SLC25A36: variants seen among roughly 807,000 people sequenced by gnomAD.
The protein encoded by SLC25A36 is epididymis secretory sperm binding protein.
SLC25A36 carries 24 observed loss-of-function variants against 35.3 expected under a neutral mutation model. That is an observed-to-expected ratio of 0.68 (90% CI 0.49 to 0.96). The LOEUF (loss-of-function observed/expected upper bound fraction) is 0.96. Ranked by LOEUF, SLC25A36 falls within the 40% of genes least tolerant of loss-of-function variation. The pLI is 0.00. For missense variants in SLC25A36, 294 were observed against 381.1 expected (o/e 0.77, Z 1.90); for synonymous variants, 141 against 132.2 (o/e 1.07, Z -0.46).
intron 1 of SLC25A36, among the ~76,000 whole-genome samples, chr3:140,943,979 A>G (rs1934096089): frequency 7.5e-6 from 1 of 133,630 alleles, no homozygotes; most frequent in Non-Finnish European, 1.5e-5. Flanking sequence ...TAGCATATGT[A>G]GTTAGAGTAT....
At chr3:140,975,250 A>C (rs1017520840) in intron 6 of SLC25A36, among the ~76,000 whole-genome samples, 4 of 151,170 alleles carry the variant, frequency 2.6e-5, no homozygotes, top group African/African-American at 9.7e-5. Flanking sequence ...TGGGACTATG[A>C]GCTCAGGCCA....
In SLC25A36 at chr3:140,959,269, G is replaced by A. The variant is rs1279817665; in HGVS notation, c.207-194G>A. 2.0e-5 allele frequency among the ~76,000 whole-genome samples: 3 copies of A among 151,988 alleles called. No individual in the cohort carries two copies. In the East Asian group the frequency reaches 5.8e-4, roughly 29 times the overall value. On this transcript the variant is annotated intron_variant, in intron 2 of 6. Coordinates refer to ENST00000324194, the MANE Select transcript of SLC25A36 (RefSeq NM_001104647.3). ...GACCTCAAGGAATCTGCCTGCCTCA[G>A]TGTCCAAAGTGCTGAAATTACAGGC...
Position 140,942,026 on chromosome 3 carries a change from C to A in SLC25A36, c.-29C>A, listed in dbSNP as rs767988346. The A allele has an allele frequency of 6.5e-6, 9 of 1,383,588 alleles. No individual in the cohort carries two copies. The African/African-American group carries it at 9.0e-5, about 14-fold the overall frequency. The allele number at this position is 1,383,588 out of a possible 1,614,324, so 85.7% of individuals were successfully genotyped here. A position where few individuals can be genotyped will look rare whatever the true frequency, so the allele number is the denominator to read the frequency against. ...GGGCGGCCAGATCCGCGTCCCGCCT[C>A]AGCGGCCGGAGGACATGCGGGAGAG... is the stretch of plus-strand genomic sequence containing the variant. On this transcript the variant is annotated 5_prime_UTR_variant, in exon 1 of 7. Transcript: ENST00000324194.
rs1935081053 is a variant in SLC25A36 at position 140,977,587 on chromosome 3, T to G, written c.*1134T>G. 1.3e-5 allele frequency: 2 copies of G among 152,208 alleles called. No individual in the cohort carries two copies. Among genetic ancestry groups the G allele is most frequent in the African/African-American group, 2.4e-5 (1 of 41,474 alleles). The allele number at this position is 152,208 out of a possible 1,614,324, so 9.4% of individuals were successfully genotyped here. On this transcript the variant is annotated 3_prime_UTR_variant, in exon 7 of 7. Transcript: ENST00000324194. ...TATTCTGTCCTAGTTTCCTGCGTGG[T>G]AAATCATAGAAAGATTCAAGTTCAT...
intron 1 of SLC25A36, among the ~76,000 whole-genome samples, chr3:140,942,296 A>C (rs1576473234): frequency 3.0e-5 from 4 of 133,176 alleles, no homozygotes; most frequent in African/African-American, 8.7e-5. Context: ...CGGGGAAGCA[A>C]GGGGGTGAGG....
chr3:140,969,817 CAT>C (rs1934855672), intron 4 of SLC25A36, among the ~76,000 whole-genome samples: 1 of 151,846 alleles, frequency 6.6e-6, no homozygotes, highest in African/African-American at 2.4e-5. Flanking sequence ...GTACTTTACT[CAT>C]CTTAAATGTA....
chr3:140,954,965 T>C (rs1287356702), intron 1 of SLC25A36, among the ~76,000 whole-genome samples: 1 of 152,162 alleles, frequency 6.6e-6, no homozygotes, highest in Non-Finnish European at 1.5e-5. Context: ...AGATGTTTTA[T>C]AGTTTCATCA....
rs1373467152 is a variant in SLC25A36 at position 140,979,132 on chromosome 3, T to C, written c.*2679T>C. The C allele has an allele frequency of 1.3e-5, 2 of 152,244 alleles. No homozygotes were observed. Among genetic ancestry groups the C allele is most frequent in the Non-Finnish European group, 2.9e-5 (2 of 68,024 alleles). 9.4% of individuals were successfully genotyped at this position (152,244 alleles called of 1,614,324 possible). A position where few individuals can be genotyped will look rare whatever the true frequency, so the allele number is the denominator to read the frequency against. ...TCGTTTGATTCTCATTATGTAACTT[T>C]GTAGAACCATCCTTTCTAGATGGGT... On this transcript the variant is annotated 3_prime_UTR_variant, in exon 7 of 7. Coordinates refer to ENST00000324194, the MANE Select transcript of SLC25A36 (RefSeq NM_001104647.3).
chr3:140,960,908 G>A (rs1439115811), intron 3 of SLC25A36, among the ~76,000 whole-genome samples: 3 of 152,178 alleles, frequency 2.0e-5, no homozygotes, highest in Admixed American at 1.3e-4. Context: ...TGGCTTATGG[G>A]ACAAACCAAA....
chr3:140,949,986 C>G (rs1934274676), intron 1 of SLC25A36, among the ~76,000 whole-genome samples: 1 of 152,144 alleles, frequency 6.6e-6, no homozygotes, highest in African/African-American at 2.4e-5. Flanking sequence ...ATTTTTTTCT[C>G]TTGCTTTTTC....
chr3:140,975,586 G>T (rs917230603), intron 6 of SLC25A36, among the ~76,000 whole-genome samples: 8 of 152,200 alleles, frequency 5.3e-5, no homozygotes, highest in Non-Finnish European at 1.2e-4. Context: ...AGGAAGCTGT[G>T]AGTTCTTGTC....
At chr3:140,953,774 T>C (rs1934400156) in intron 1 of SLC25A36, among the ~76,000 whole-genome samples, 1 of 152,106 alleles carries the variant, frequency 6.6e-6, no homozygotes, top group African/African-American at 2.4e-5. Context: ...TTGTGCAACA[T>C]AGCAAGACCC....
At chr3:140,967,979 G>A (rs1440652558) in intron 4 of SLC25A36, 2 of 984,770 alleles carry the variant, frequency 2.0e-6, no homozygotes, top group Admixed American at 1.2e-4. Flanking sequence ...AAAATAAAAA[G>A]TAATAGGCAA....
chr3:140,955,707 T>C (rs567549820), intron 1 of SLC25A36, among the ~76,000 whole-genome samples: 18 of 152,282 alleles, frequency 1.2e-4, no homozygotes, highest in African/African-American at 4.3e-4. Flanking sequence ...TTTTTTTCTT[T>C]TTTGAGACAG....
At chr3:140,943,299 G>T (rs1934069711) in intron 1 of SLC25A36, among the ~76,000 whole-genome samples, 1 of 152,166 alleles carries the variant, frequency 6.6e-6, no homozygotes. Flanking sequence ...CTTTGAGTTG[G>T]ACATATGGAC....
intron 4 of SLC25A36, 36 bp downstream of exon 4, chr3:140,963,263 T>G: frequency 8.4e-7 from 1 of 1,195,408 alleles, no homozygotes; most frequent in Non-Finnish European, 1.2e-6. Context: ...AAAAAAACTT[T>G]CTGAAACCTA....
At position 140,980,574 on chromosome 3, in the gene SLC25A36, T is replaced by C. The variant is rs1935156900; in HGVS notation, c.*4121T>C. On this transcript the variant is annotated 3_prime_UTR_variant, in exon 7 of 7. Coordinates refer to ENST00000324194, the MANE Select transcript of SLC25A36 (RefSeq NM_001104647.3). ...CAAGTTGTGTGTGTGTGTTTATTACTGAACATTGGGAGCCGTGATAGGGAA... is the reference window on the plus strand; with the variant it reads ...CAAGTTGTGTGTGTGTGTTTATTACCGAACATTGGGAGCCGTGATAGGGAA... Among the ~76,000 whole-genome samples, 1 of 152,170 alleles carries C rather than the reference T, an allele frequency of 6.6e-6. No homozygotes were observed. The highest frequency in any genetic ancestry group is 1.5e-5 in the Non-Finnish European group (1 of 68,030).
chr3:140,965,523 G>A (rs996867344), intron 4 of SLC25A36: 9 of 151,696 alleles, frequency 5.9e-5, no homozygotes, highest in African/African-American at 2.2e-4. Flanking sequence ...TTTATTCCAA[G>A]TGACCTCTCA....
At chr3:140,972,991 T>C (rs983896095) in intron 5 of SLC25A36, 1 of 152,196 alleles carries the variant, frequency 6.6e-6, no homozygotes, top group East Asian at 1.9e-4. Flanking sequence ...TTGTTAAAAC[T>C]CAAAATTACA....
Sources: gnomAD v4.1 joint callset for allele counts (sites outside exome capture counted in the v4.1 genomes callset) on GRCh38, gnomAD v4.1.1 for gene constraint, MANE v1.5 for transcripts, NCBI Gene and HGNC (gene_info 2026-07-23, HGNC 2026-07-21) for gene names.